The following XXYLT1 variants were observed in gnomAD, a reference collection of about 807,000 sequenced individuals.
XXYLT1 encodes UDP-xylose:alpha-xyloside alpha-1,3-xylosyltransferase.
A neutral mutation model predicts 28.9 loss-of-function variants in XXYLT1; 20 were observed. The observed-to-expected ratio is 0.69, with a 90% CI of 0.49 to 1.00. XXYLT1 has a LOEUF of 1.00. Ranked by LOEUF, XXYLT1 falls within the 50% of genes least tolerant of loss-of-function variation. XXYLT1 has a pLI of 0.00. For missense variants in XXYLT1, 542 were observed against 560.1 expected (o/e 0.97, Z 0.33); for synonymous variants, 257 against 253.8 (o/e 1.01, Z -0.12).
chr3:195,084,702 T>G (rs1266310453), intron 3 of XXYLT1, among the ~76,000 whole-genome samples: 1 of 152,054 alleles, frequency 6.6e-6, no homozygotes, highest in Non-Finnish European at 1.5e-5. Flanking sequence ...TAGGCAAAAC[T>G]CCCACCACTA....
intron 2 of XXYLT1, among the ~76,000 whole-genome samples, chr3:195,165,234 G>T (rs1201573090): frequency 6.6e-6 from 1 of 152,068 alleles, no homozygotes; most frequent in Non-Finnish European, 1.5e-5. Flanking sequence ...TCTCCAGGTG[G>T]TGCTCTCCAG....
intron 1 of XXYLT1, among the ~76,000 whole-genome samples, chr3:195,233,078 TAA>T (rs982043220): frequency 6.6e-6 from 1 of 152,194 alleles, no homozygotes; most frequent in African/African-American, 2.4e-5. Context: ...GATGCATATA[TAA>T]CTGTTATATC....
At chr3:195,242,440 G>C (rs1724818978) in intron 1 of XXYLT1, among the ~76,000 whole-genome samples, 1 of 152,112 alleles carries the variant, frequency 6.6e-6, no homozygotes, top group Non-Finnish European at 1.5e-5. Flanking sequence ...TTTGATGACT[G>C]GAGCAACACC....
chr3:195,249,199 C>A (rs1055991350), intron 1 of XXYLT1, among the ~76,000 whole-genome samples: 1 of 152,158 alleles, frequency 6.6e-6, no homozygotes, highest in African/African-American at 2.4e-5. Flanking sequence ...CTGATTTCCC[C>A]GCCTGACGTC....
chr3:195,149,509 A>G (rs1720068839), intron 3 of XXYLT1, among the ~76,000 whole-genome samples: 1 of 152,206 alleles, frequency 6.6e-6, no homozygotes, highest in South Asian at 2.1e-4. Context: ...AGCAGGGACC[A>G]AACACCCCAC....
intron 3 of XXYLT1, among the ~76,000 whole-genome samples, chr3:195,090,927 A>ACT (rs1472186442): frequency 3.5e-4 from 53 of 151,988 alleles, no homozygotes; most frequent in Middle Eastern, 3.4e-3. Flanking sequence ...GAAAACCTAG[A>ACT]AGAAATGGAT....
At chr3:195,154,173 G>A (rs1234673751) in intron 3 of XXYLT1, 1 of 152,140 alleles carries the variant, frequency 6.6e-6, no homozygotes, top group African/African-American at 2.4e-5. Context: ...TCAGGCAGTT[G>A]TCAACCGTCT....
intron 1 of XXYLT1, among the ~76,000 whole-genome samples, chr3:195,229,331 A>G (rs948708701): frequency 1.3e-5 from 2 of 152,224 alleles, no homozygotes; most frequent in Non-Finnish European, 2.9e-5. Flanking sequence ...ACAATGCATA[A>G]TAATCATATC....
At chr3:195,211,615 G>A (rs1203324106) in intron 2 of XXYLT1, among the ~76,000 whole-genome samples, 1 of 152,222 alleles carries the variant, frequency 6.6e-6, no homozygotes, top group Non-Finnish European at 1.5e-5. Context: ...TTACATCTGG[G>A]TGGGGCAGAT....
At chr3:195,156,378 G>T in intron 3 of XXYLT1, 71 bp downstream of exon 3, 1 of 1,574,310 alleles carries the variant, frequency 6.4e-7, no homozygotes, top group African/African-American at 1.3e-5. Context: ...AATCTGTCAC[G>T]GCTGGCAGAA....
chr3:195,135,353 G>C (rs931612760), intron 3 of XXYLT1, among the ~76,000 whole-genome samples: 7 of 152,280 alleles, frequency 4.6e-5, no homozygotes, highest in African/African-American at 1.7e-4. Context: ...GGATAGGAAG[G>C]GACTGGACCC....
Position 195,077,996 on chromosome 3 carries a change from G to A in XXYLT1, c.786-7885C>T, listed in dbSNP as rs539609700. Among the ~76,000 whole-genome samples, 66 of 152,274 alleles carry A rather than the reference G, an allele frequency of 4.3e-4. No homozygotes were observed. Among genetic ancestry groups the A allele is most frequent in the African/African-American group, 1.5e-3 (61 of 41,560 alleles). Reference sequence around the variant, plus strand: ...CCCTCACTCAGTCACATGCAGCCCCGGAGCCTCGGCCCTGGGAGGGGCAAG... The same window carrying A: ...CCCTCACTCAGTCACATGCAGCCCCAGAGCCTCGGCCCTGGGAGGGGCAAG... On this transcript the variant is annotated intron_variant, in intron 3 of 3. Transcript: ENST00000310380. The surrounding 1 kb of genome is among the most constrained non-coding windows in gnomAD (Gnocchi z 4.8).
intron 3 of XXYLT1, among the ~76,000 whole-genome samples, chr3:195,105,382 G>A (rs1027259073): frequency 6.6e-6 from 1 of 152,194 alleles, no homozygotes; most frequent in Non-Finnish European, 1.5e-5. Flanking sequence ...CCTGTGACTG[G>A]AGAGTACAGC....
intron 1 of XXYLT1, among the ~76,000 whole-genome samples, chr3:195,249,400 C>T (rs925053984): frequency 1.3e-5 from 2 of 152,186 alleles, no homozygotes; most frequent in Non-Finnish European, 1.5e-5. Context: ...ACAATGGCCA[C>T]GCGGCTCACA....
At chr3:195,260,086 C>T (rs1407693116) in intron 1 of XXYLT1, 1 of 149,320 alleles carries the variant, frequency 6.7e-6, no homozygotes, top group Non-Finnish European at 1.5e-5. Context: ...CTTTCGAAAC[C>T]ACAAGGGCGG....
At chr3:195,112,436 ACG>A (rs921151408) in intron 3 of XXYLT1, among the ~76,000 whole-genome samples, 95 of 47,916 alleles carry the variant, frequency 2.0e-3, no homozygotes, top group Admixed American at 5.8e-3. Context: ...ATGCACACAC[ACG>A]CACGCACACC....
rs35428286 is a variant in XXYLT1 at position 195,099,830 on chromosome 3, C to CAAAAAA, written c.786-29725_786-29720dup. ...TGGGCGACACAGCGAGACTCTGTCT[C>CAAAAAA]AAAAAAAAAAAAAAAAAAAAATGCA... On this transcript the variant is annotated intron_variant, in intron 3 of 3. Coordinates refer to ENST00000310380, the MANE Select transcript of XXYLT1 (RefSeq NM_152531.5). Among the ~76,000 whole-genome samples, 258 of 97,166 alleles carry CAAAAAA rather than the reference C, an allele frequency of 2.7e-3. 4 individuals are homozygous for CAAAAAA. The highest frequency in any genetic ancestry group is 0.014 in the South Asian group (34 of 2,466). 63.7% of individuals were successfully genotyped at this position (97,166 alleles called of 152,430 possible).
chr3:195,248,280 A>G (rs1185111557), intron 1 of XXYLT1, among the ~76,000 whole-genome samples: 1 of 152,172 alleles, frequency 6.6e-6, no homozygotes, highest in Non-Finnish European at 1.5e-5. Context: ...AGAAGAAGAA[A>G]AAGGAGTTGA....
rs147471973 is a variant in XXYLT1, at chr3:195,124,961, G to A, written c.785+31488C>T. ...AAGGACAGAGGGAAAAGAGCAGTAC[G>A]AATAAATGGCATCTCAGCTTCTTTC... On this transcript the variant is annotated intron_variant, in intron 3 of 3. Transcript: ENST00000310380. The surrounding 1 kb of genome is among the most constrained non-coding windows in gnomAD (Gnocchi z 4.1). 4.6e-5 allele frequency among the ~76,000 whole-genome samples: 7 copies of A among 152,320 alleles called. No individual in the cohort carries two copies. In the East Asian group the frequency reaches 1.2e-3, roughly 25 times the overall value.
Sources: allele counts gnomAD v4.1 joint callset (sites outside exome capture counted in the v4.1 genomes callset), GRCh38; gene constraint gnomAD v4.1.1; non-coding constraint Gnocchi (gnomAD v3.1); transcripts MANE v1.5; gene names NCBI Gene and HGNC (gene_info 2026-07-23, HGNC 2026-07-21).